Variants in CRY1 observed in about 807,000 individuals in gnomAD.
CRY1 encodes cryptochrome-1.
CRY1 carries 45 observed loss-of-function variants against 76.0 expected under a neutral mutation model. That is an observed-to-expected ratio of 0.59 (90% CI 0.47 to 0.76). CRY1 has a LOEUF of 0.76. CRY1 is among the 30% of genes least tolerant of loss of function. The pLI, the probability that CRY1 is intolerant of heterozygous loss-of-function variation, is 0.00. For synonymous variants in CRY1, 248 were observed against 244.0 expected, an observed-to-expected ratio of 1.02 and a Z score of -0.15; for missense variants, 587 against 716.4, an observed-to-expected ratio of 0.82 and a Z score of 2.06.
At chr12:107,026,098 A>ATT (rs1447816552) in intron 1 of CRY1, among the ~76,000 whole-genome samples, 1 of 48,766 alleles carries the variant, frequency 2.1e-5, no homozygotes, top group East Asian at 8.0e-4. Context: ...TTATATATAT[A>ATT]ACATATATAT....
intron 1 of CRY1, among the ~76,000 whole-genome samples, chr12:107,061,079 T>C (rs946940129): frequency 2.6e-5 from 4 of 152,322 alleles, no homozygotes; most frequent in Admixed American, 2.6e-4. Flanking sequence ...ATCAAACTTT[T>C]ATTAAAAAGT....
chr12:106,996,393 CCA>C (rs2136818370), intron 10 of CRY1, among the ~76,000 whole-genome samples: 1 of 152,256 alleles, frequency 6.6e-6, no homozygotes, highest in East Asian at 1.9e-4. Flanking sequence ...TAGGTTGATT[CCA>C]CGTCTTTGCT....
chr12:107,080,424 A>C (rs1423339386), intron 1 of CRY1, among the ~76,000 whole-genome samples: 1 of 152,102 alleles, frequency 6.6e-6, no homozygotes, highest in African/African-American at 2.4e-5. Flanking sequence ...TTCTGGGCAT[A>C]GACGAGTAAA....
intron 1 of CRY1, among the ~76,000 whole-genome samples, chr12:107,058,042 C>T (rs748206629): frequency 7.9e-5 from 12 of 152,090 alleles, no homozygotes; most frequent in Non-Finnish European, 1.5e-4. Flanking sequence ...GGCAACAGAG[C>T]AAGGCCCTGT....
intron 1 of CRY1, among the ~76,000 whole-genome samples, chr12:107,052,043 T>C (rs973104583): frequency 7.2e-5 from 11 of 152,302 alleles, no homozygotes; most frequent in Non-Finnish European, 1.2e-4. Flanking sequence ...ATTCTGATTT[T>C]TCTGACCTAT....
intron 2 of CRY1, among the ~76,000 whole-genome samples, chr12:107,011,397 A>G (rs935587040): frequency 1.3e-5 from 2 of 152,018 alleles, no homozygotes; most frequent in Admixed American, 6.6e-5. Context: ...GAGGCAGGCC[A>G]AAAGCTAGGC....
chr12:107,046,033 A>G (rs549117193), intron 1 of CRY1, among the ~76,000 whole-genome samples: 101 of 152,090 alleles, frequency 6.6e-4, no homozygotes, highest in Non-Finnish European at 1.2e-3. Flanking sequence ...AGGCTGGGGC[A>G]GGAGAATTGC....
intron 2 of CRY1, among the ~76,000 whole-genome samples, chr12:107,005,563 G>C (rs977312672): frequency 3.3e-5 from 5 of 152,096 alleles, no homozygotes; most frequent in South Asian, 2.1e-4. Context: ...TTTCATTTGA[G>C]CCTCAAAACA....
At chr12:107,001,130 T>A in intron 5 of CRY1, 150 bp downstream of exon 5, 1 of 595,114 alleles carries the variant, frequency 1.7e-6, no homozygotes, top group Non-Finnish European at 2.9e-6. Context: ...GGTAGTTAAC[T>A]TTCAAACAAT....
At chr12:107,020,646 G>C (rs1033077977) in intron 2 of CRY1, among the ~76,000 whole-genome samples, 7 of 151,662 alleles carry the variant, frequency 4.6e-5, no homozygotes, top group African/African-American at 1.7e-4. Context: ...CACCATGATT[G>C]TAAGTTTCCT....
At chr12:107,070,125 T>G (rs1326819950) in intron 1 of CRY1, among the ~76,000 whole-genome samples, 2 of 152,198 alleles carry the variant, frequency 1.3e-5, no homozygotes, top group Non-Finnish European at 2.9e-5. Context: ...GCAATTCTAT[T>G]GATTTGTATA....
At chr12:107,079,591 C>T (rs1953297810) in intron 1 of CRY1, among the ~76,000 whole-genome samples, 1 of 152,160 alleles carries the variant, frequency 6.6e-6, no homozygotes, top group Non-Finnish European at 1.5e-5. Context: ...TCATGCACCA[C>T]ATGACTCAGC....
At chr12:106,998,127 C>T (rs1952254841) in intron 7 of CRY1, 61 bp from the exon 8 acceptor site, 2 of 1,591,860 alleles carry the variant, frequency 1.3e-6, no homozygotes, top group Admixed American at 3.4e-5. Context: ...CAAGCATTTT[C>T]AAGGTCACAG....
At chr12:107,006,924 G>A (rs73386615) in intron 2 of CRY1, among the ~76,000 whole-genome samples, 18,810 of 151,992 alleles carry the variant, frequency 0.12, 1,959 homozygotes, top group African/African-American at 0.27. Context: ...GATTACAGGC[G>A]TGAGCCACCA....
chr12:107,005,058 A>G, intron 3 of CRY1, 48 bp downstream of exon 3: 1 of 1,555,802 alleles, frequency 6.4e-7, no homozygotes, highest in Non-Finnish European at 8.7e-7. Flanking sequence ...GATGGTAAAT[A>G]TTATGTTATA....
chr12:107,080,580 G>A (rs1254227374), intron 1 of CRY1, among the ~76,000 whole-genome samples: 3 of 151,930 alleles, frequency 2.0e-5, no homozygotes, highest in Admixed American at 6.6e-5. Context: ...TGGCAGGAAA[G>A]CACAGAAGAG....
intron 10 of CRY1, among the ~76,000 whole-genome samples, chr12:106,993,514 T>A (rs1952200880): frequency 6.6e-6 from 1 of 151,596 alleles, no homozygotes; most frequent in African/African-American, 2.4e-5. Context: ...GCCTAAGCAA[T>A]CCTATCAACC....
intron 2 of CRY1, among the ~76,000 whole-genome samples, chr12:107,006,656 T>TA (rs1864491674): frequency 6.6e-6 from 1 of 151,190 alleles, no homozygotes; most frequent in African/African-American, 2.4e-5. Context: ...TTTTTTTTTT[T>TA]AGATGACATC....
chr12:107,003,352 A>C (rs750463529), intron 3 of CRY1, among the ~76,000 whole-genome samples: 1 of 152,212 alleles, frequency 6.6e-6, no homozygotes, highest in Non-Finnish European at 1.5e-5. Flanking sequence ...TTTGCTTAGC[A>C]TTTGGCCTTA....
Sources: allele counts gnomAD v4.1 joint callset (sites outside exome capture counted in the v4.1 genomes callset), GRCh38; gene constraint gnomAD v4.1.1; transcripts MANE v1.5; gene names NCBI Gene and HGNC (gene_info 2026-07-23, HGNC 2026-07-21).